Variants in CAMK1D observed in about 807,000 individuals in gnomAD.
The protein encoded by CAMK1D is calcium/calmodulin-dependent protein kinase type 1D.
Under a neutral mutation model 47.7 loss-of-function variants are expected in CAMK1D, and 9 were observed. The ratio of observed to expected loss-of-function variants is 0.19; its 90% CI spans 0.11 to 0.33. CAMK1D has a LOEUF of 0.33. CAMK1D is among the 10% of genes least tolerant of loss of function. CAMK1D has a pLI of 1.00. For synonymous variants in CAMK1D, 184 were observed against 184.9 expected, an observed-to-expected ratio of 0.99 and a Z score of 0.04; for missense variants, 291 against 488.7, an observed-to-expected ratio of 0.60 and a Z score of 3.81.
intron 2 of CAMK1D, among the ~76,000 whole-genome samples, chr10:12,653,363 G>T (rs1288870539): frequency 1.3e-5 from 2 of 152,200 alleles, no homozygotes; most frequent in African/African-American, 4.8e-5. Context: ...GCACAGAGTT[G>T]TCCTTATTAT....
chr10:12,625,063 A>G (rs972874054), intron 2 of CAMK1D, among the ~76,000 whole-genome samples: 2 of 151,386 alleles, frequency 1.3e-5, no homozygotes, highest in African/African-American at 2.4e-5. Context: ...CTGGCTGGGC[A>G]TGGTGGCTCA....
At chr10:12,489,817 C>T (rs557430659) in intron 1 of CAMK1D, among the ~76,000 whole-genome samples, 1 of 152,180 alleles carries the variant, frequency 6.6e-6, no homozygotes, top group African/African-American at 2.4e-5. Context: ...GGTGGACTCT[C>T]TGGTGTCAGC....
chr10:12,667,377 A>C (rs956481727), intron 3 of CAMK1D, among the ~76,000 whole-genome samples: 1 of 152,254 alleles, frequency 6.6e-6, no homozygotes, highest in Non-Finnish European at 1.5e-5. Flanking sequence ...TTATTTTTGC[A>C]TTCCATTAAC....
At chr10:12,515,402 C>CTTTTTTTTTTTTTT (rs772694725) in intron 1 of CAMK1D, among the ~76,000 whole-genome samples, 8 of 102,002 alleles carry the variant, frequency 7.8e-5, no homozygotes, top group African/African-American at 1.5e-4. Context: ...TTTTCCTTTT[C>CTTTTTTTTTTTTTT]TTTTTTTTTT....
At chr10:12,510,277 G>C (rs766713844) in intron 1 of CAMK1D, among the ~76,000 whole-genome samples, 1 of 152,180 alleles carries the variant, frequency 6.6e-6, no homozygotes, top group Non-Finnish European at 1.5e-5. Context: ...TTAGCTGGGC[G>C]TGGTGGCACA....
At chr10:12,480,559 G>T (rs939189720) in intron 1 of CAMK1D, among the ~76,000 whole-genome samples, 1 of 152,226 alleles carries the variant, frequency 6.6e-6, no homozygotes, top group South Asian at 2.1e-4. Context: ...GTCCGTTAGG[G>T]TCTAACCACT....
chr10:12,749,270 C>G (rs1407763987), intron 3 of CAMK1D, among the ~76,000 whole-genome samples: 1 of 151,706 alleles, frequency 6.6e-6, no homozygotes, highest in Non-Finnish European at 1.5e-5. Context: ...GGAAAAAAAT[C>G]TTTGTCATTT....
Position 12,727,625 on chromosome 10 carries a change from A to T in CAMK1D, c.300-33323A>T, listed in dbSNP as rs868240. On this transcript the variant is annotated intron_variant, in intron 3 of 10. Transcript: ENST00000619168. ...CTGGAAACACACCACAGCCTGAAAC[A>T]CAACTGCCAGCATCAACGCAGTGAG... 5.1e-4 allele frequency among the ~76,000 whole-genome samples: 78 copies of T among 152,334 alleles called. No homozygotes were observed. The East Asian group carries it at 0.013, about 25-fold the overall frequency.
At chr10:12,527,812 G>A (rs772781072) in intron 1 of CAMK1D, among the ~76,000 whole-genome samples, 3 of 152,202 alleles carry the variant, frequency 2.0e-5, no homozygotes, top group Non-Finnish European at 4.4e-5. Context: ...ACCTCAAATA[G>A]TTGGTTTTTG....
chr10:12,781,147 C>T (rs1426560488), intron 5 of CAMK1D, among the ~76,000 whole-genome samples: 1 of 152,138 alleles, frequency 6.6e-6, no homozygotes, highest in East Asian at 1.9e-4. Context: ...CACGTTTTGT[C>T]GTGGTGGGAA....
chr10:12,722,138 A>G (rs576050161), intron 3 of CAMK1D, among the ~76,000 whole-genome samples: 1 of 152,238 alleles, frequency 6.6e-6, no homozygotes, highest in South Asian at 2.1e-4. Context: ...GAGACAGTCC[A>G]TGGTAGACTT....
At position 12,561,138 on chromosome 10, in the gene CAMK1D, C is replaced by T. The variant is rs190783594; in HGVS notation, c.224+7782C>T. Among the ~76,000 whole-genome samples the T allele has an allele frequency of 2.9e-3, 439 of 152,124 alleles. 10 individuals are homozygous for T. Among genetic ancestry groups the T allele is most frequent in the Admixed American group, 0.019 (292 of 15,274 alleles). On this transcript the variant is annotated intron_variant, in intron 2 of 10. Transcript: ENST00000619168. Reference sequence around the variant, plus strand: ...TTCACCGTGTTAGCCAGATTGGTCTCGATCTCCTGACCTTGTGATCTGCCT... The same window carrying T: ...TTCACCGTGTTAGCCAGATTGGTCTTGATCTCCTGACCTTGTGATCTGCCT...
At position 12,662,651 on chromosome 10, in the gene CAMK1D, C is replaced by CAA. The variant is rs56807588; in HGVS notation, c.225-4073_225-4072dup. On this transcript the variant is annotated intron_variant, in intron 2 of 10. Transcript: ENST00000619168. ...TCGGAGACAGAGCAACACTCTGCCT[C>CAA]AAAAAAAAAAAAAGGAGATTGTGTT... is the stretch of plus-strand genomic sequence containing the variant. Among the ~76,000 whole-genome samples, 157 of 140,502 alleles carry CAA rather than the reference C, an allele frequency of 1.1e-3. 1 individual carries two copies. Among genetic ancestry groups the CAA allele is most frequent in the African/African-American group, 4.0e-3 (153 of 37,924 alleles). The allele number at this position is 140,502 out of a possible 152,430, so 92.2% of individuals were successfully genotyped here.
At chr10:12,370,502 T>C (rs749468315) in intron 1 of CAMK1D, among the ~76,000 whole-genome samples, 4 of 152,162 alleles carry the variant, frequency 2.6e-5, no homozygotes, top group African/African-American at 7.2e-5. Flanking sequence ...GCCAGCTCCA[T>C]GCGTGATACT....
At chr10:12,404,194 C>T (rs749929862) in intron 1 of CAMK1D, among the ~76,000 whole-genome samples, 18 of 151,902 alleles carry the variant, frequency 1.2e-4, no homozygotes, top group Non-Finnish European at 1.6e-4. Flanking sequence ...TACAGGTGTC[C>T]GCCACCGCGC....
At position 12,702,502 on chromosome 10, in the gene CAMK1D, A is replaced by G. The variant is rs1833562497; in HGVS notation, c.299+35692A>G. Reference sequence around the variant, plus strand: ...CTCGATAAAGGCACACTGAACAAACAATGATGCAAAAATGCAAGTTCCTAG... The same window carrying G: ...CTCGATAAAGGCACACTGAACAAACGATGATGCAAAAATGCAAGTTCCTAG... On this transcript the variant is annotated intron_variant, in intron 3 of 10. Coordinates refer to ENST00000619168, the MANE Select transcript of CAMK1D (RefSeq NM_153498.4). Among the ~76,000 whole-genome samples the G allele has an allele frequency of 2.0e-5, 3 of 152,206 alleles. No individual in the cohort carries two copies. The South Asian group carries it at 6.2e-4, about 31-fold the overall frequency.
At chr10:12,365,792 C>T (rs992540459) in intron 1 of CAMK1D, among the ~76,000 whole-genome samples, 1 of 152,166 alleles carries the variant, frequency 6.6e-6, no homozygotes, top group Non-Finnish European at 1.5e-5. Context: ...GTGGCTCACG[C>T]CTGTAATCCC....
intron 3 of CAMK1D, among the ~76,000 whole-genome samples, chr10:12,746,161 G>GAGATCATCCTGGCTAACACGGTGA (rs376956646): frequency 0.046 from 6,907 of 151,452 alleles, 559 homozygotes; most frequent in African/African-American, 0.16. Context: ...TCAGGAGGTG[G>GAGATCATCCTGGCTAACACGGTGA]AGATCATCCT....
intron 3 of CAMK1D, among the ~76,000 whole-genome samples, chr10:12,710,396 A>G (rs1833892912): frequency 6.6e-6 from 1 of 152,212 alleles, no homozygotes; most frequent in Non-Finnish European, 1.5e-5. Context: ...TTTATTGAGC[A>G]TCTATTATAT....
Sources: allele counts gnomAD v4.1 joint callset (sites outside exome capture counted in the v4.1 genomes callset), GRCh38; gene constraint gnomAD v4.1.1; transcripts MANE v1.5; gene names NCBI Gene and HGNC (gene_info 2026-07-23, HGNC 2026-07-21).